Variants in IRAK2 observed in about 807,000 individuals in gnomAD.
IRAK2 encodes interleukin 1 receptor associated kinase 2, also known as interleukin-1 receptor-associated kinase-like 2.
Under a neutral mutation model 72.0 loss-of-function variants are expected in IRAK2, and 57 were observed. The ratio of observed to expected loss-of-function variants is 0.79; its 90% CI spans 0.64 to 0.99. The LOEUF (loss-of-function observed/expected upper bound fraction) is 0.99, where lower values mean the gene tolerates loss of function less well. Ranked by LOEUF, IRAK2 falls within the 50% of genes least tolerant of loss-of-function variation. The pLI is 0.00. For missense variants in IRAK2, 790 were observed against 794.4 expected (o/e 0.99, Z 0.07); for synonymous variants, 293 against 312.7 (o/e 0.94, Z 0.67).
intron 1 of IRAK2, among the ~76,000 whole-genome samples, chr3:10,176,022 GGGT>G (rs1411959789): frequency 6.6e-6 from 1 of 151,454 alleles, no homozygotes; most frequent in Non-Finnish European, 1.5e-5. Context: ...GGCCTTAGGA[GGGT>G]GGTGAGATGC....
intron 2 of IRAK2, 40 bp downstream of exon 2, chr3:10,178,060 G>T (rs776733356): frequency 3.0e-5 from 45 of 1,498,094 alleles, no homozygotes; most frequent in Non-Finnish European, 3.6e-5. Context: ...GGCCCATCAC[G>T]CTCCTGAGCA....
At chr3:10,165,108 C>G in intron 1 of IRAK2, 60 bp downstream of exon 1, 1 of 1,455,862 alleles carries the variant, frequency 6.9e-7, no homozygotes, top group Non-Finnish European at 9.5e-7. Context: ...GCGATCCCGC[C>G]TGGAGCGGCC....
intron 10 of IRAK2, among the ~76,000 whole-genome samples, chr3:10,226,813 G>C (rs781776109): frequency 6.6e-6 from 1 of 151,896 alleles, no homozygotes; most frequent in Admixed American, 6.6e-5. Flanking sequence ...AGGTGTGGTC[G>C]CATGTGCCTG....
At chr3:10,227,186 C>T (rs1697792700) in intron 10 of IRAK2, among the ~76,000 whole-genome samples, 1 of 152,066 alleles carries the variant, frequency 6.6e-6, no homozygotes. Context: ...TGGCTCACAC[C>T]TCTAATCCCA....
intron 11 of IRAK2, among the ~76,000 whole-genome samples, chr3:10,238,112 G>GCA (rs369868848): frequency 6.6e-6 from 1 of 151,674 alleles, no homozygotes; most frequent in African/African-American, 2.4e-5. Flanking sequence ...ACACGTGCAC[G>GCA]CACACACACA....
rs1248240508 is a variant in IRAK2, at chr3:10,221,872, G to A, written c.1014-764G>A. Among the ~76,000 whole-genome samples, 3 of 151,956 alleles carry A rather than the reference G, an allele frequency of 2.0e-5. No individual in the cohort carries two copies. The East Asian group carries it at 5.8e-4, about 29-fold the overall frequency. On this transcript the variant is annotated intron_variant, in intron 8 of 12. Transcript: ENST00000256458. ...ATGTGGCTTAGCTTTTTCCCATTTT[G>A]GAGTATGTTCTCAGTGTTTGCTCCT...
chr3:10,180,578 A>G (rs1466598610), intron 2 of IRAK2, among the ~76,000 whole-genome samples: 1 of 151,910 alleles, frequency 6.6e-6, no homozygotes, highest in Non-Finnish European at 1.5e-5. Flanking sequence ...AGCCCCAGAC[A>G]CCTGGGGAGG....
At chr3:10,172,046 G>A (rs758776320) in intron 1 of IRAK2, among the ~76,000 whole-genome samples, 23 of 152,012 alleles carry the variant, frequency 1.5e-4, no homozygotes, top group Admixed American at 7.2e-4. Context: ...AACCAGCCTG[G>A]CCAACATGGT....
At position 10,177,842 on chromosome 3, in the gene IRAK2, C is replaced by CT. The variant is rs779006049; in HGVS notation, c.100dup (p.Tyr34LeufsTer65). ...AGTTCTCTCCGTCCCTTCCAGCCTC[C>CT]TACGTGATCACAGACCTGACCCAGC... On this transcript the variant is annotated frameshift_variant, in exon 2 of 13. Coordinates refer to ENST00000256458, the MANE Select transcript of IRAK2 (RefSeq NM_001570.4). LOFTEE classifies it high-confidence loss of function. 6.2e-7 allele frequency: 1 copy of CT among 1,612,440 alleles called. No homozygotes were observed. The highest frequency in any genetic ancestry group is 8.5e-7 in the Non-Finnish European group (1 of 1,180,004).
chr3:10,200,309 C>G, intron 2 of IRAK2, 60 bp from the exon 3 acceptor site: 1 of 1,433,322 alleles, frequency 7.0e-7, no homozygotes, highest in Non-Finnish European at 9.4e-7. Context: ...CAGAACCAGT[C>G]TCTCAATGGC....
intron 11 of IRAK2, 124 bp from the exon 12 acceptor site, chr3:10,238,624 C>A: frequency 1.1e-6 from 1 of 946,698 alleles, no homozygotes; most frequent in Non-Finnish European, 1.6e-6. Context: ...TTTTTTCAGA[C>A]AAAACAACCA....
intron 2 of IRAK2, among the ~76,000 whole-genome samples, chr3:10,189,452 A>G (rs1053033660): frequency 6.6e-6 from 1 of 152,176 alleles, no homozygotes; most frequent in African/African-American, 2.4e-5. Context: ...TTTGGCCACT[A>G]TATGGACTGG....
intron 2 of IRAK2, among the ~76,000 whole-genome samples, chr3:10,197,097 G>T (rs755615931): frequency 1.3e-5 from 2 of 151,994 alleles, no homozygotes; most frequent in South Asian, 4.2e-4. Flanking sequence ...TATAAAACAG[G>T]CCAGGCGCGG....
chr3:10,192,421 C>G (rs569186813), intron 2 of IRAK2, among the ~76,000 whole-genome samples: 109 of 152,312 alleles, frequency 7.2e-4, no homozygotes, highest in African/African-American at 2.6e-3. Context: ...CGGCCCAGGC[C>G]CCGTCAGCCA....
chr3:10,218,436 A>C (rs1325408289), intron 7 of IRAK2, among the ~76,000 whole-genome samples: 2 of 134,622 alleles, frequency 1.5e-5, no homozygotes, highest in Non-Finnish European at 1.6e-5. Flanking sequence ...AAAAAAAAAA[A>C]AAAAAAAAAC....
chr3:10,179,162 T>G (rs1199681956), intron 2 of IRAK2, among the ~76,000 whole-genome samples: 2 of 152,194 alleles, frequency 1.3e-5, no homozygotes, highest in Non-Finnish European at 2.9e-5. Flanking sequence ...CTTGGGGACT[T>G]TTCATATTGA....
chr3:10,231,042 C>T (rs757072626), intron 10 of IRAK2, among the ~76,000 whole-genome samples: 1 of 152,166 alleles, frequency 6.6e-6, no homozygotes, highest in Non-Finnish European at 1.5e-5. Flanking sequence ...AGGCATGTGC[C>T]CTCACGCCCA....
intron 12 of IRAK2, 52 bp from the exon 13 acceptor site, chr3:10,242,064 T>G: frequency 9.9e-7 from 1 of 1,008,286 alleles, no homozygotes. Flanking sequence ...AGAATTATAA[T>G]AATAGTAACT....
intron 10 of IRAK2, among the ~76,000 whole-genome samples, chr3:10,233,175 G>A (rs1307692068): frequency 2.0e-5 from 3 of 151,954 alleles, no homozygotes; most frequent in Non-Finnish European, 4.4e-5. Context: ...TCAGCCTCCC[G>A]AGTACCTGGG....
Sources: allele counts gnomAD v4.1 joint callset (sites outside exome capture counted in the v4.1 genomes callset), GRCh38; gene constraint gnomAD v4.1.1; transcripts MANE v1.5; gene names NCBI Gene and HGNC (gene_info 2026-07-23, HGNC 2026-07-21).